The following LRRFIP2 variants were observed in gnomAD, a reference collection of about 807,000 sequenced individuals.
LRRFIP2 encodes leucine-rich repeat flightless-interacting protein 2.
In LRRFIP2, 109 loss-of-function variants were observed where a neutral mutation model predicts 125.9. The observed-to-expected ratio is 0.87, with a 90% CI of 0.74 to 1.01. The LOEUF is 1.01. LRRFIP2 is among the 50% of genes least tolerant of loss of function. The pLI is 0.00. For missense variants in LRRFIP2, 850 were observed against 862.3 expected (o/e 0.99, Z 0.18); for synonymous variants, 291 against 293.1 (o/e 0.99, Z 0.07).
intron 21 of LRRFIP2, among the ~76,000 whole-genome samples, chr3:37,069,631 T>C (rs573118034): frequency 3.2e-4 from 48 of 152,224 alleles, no homozygotes; most frequent in African/African-American, 1.1e-3. Flanking sequence ...AGTTCTATGG[T>C]GGTGACAGTA....
chr3:37,156,359 AAG>A (rs1374374043), intron 1 of LRRFIP2, among the ~76,000 whole-genome samples: 1 of 151,916 alleles, frequency 6.6e-6, no homozygotes, highest in Non-Finnish European at 1.5e-5. Context: ...ATGTTGGGGA[AAG>A]AGTAACTGCT....
intron 14 of LRRFIP2, among the ~76,000 whole-genome samples, chr3:37,104,639 T>A (rs558721232): frequency 6.6e-6 from 1 of 152,364 alleles, no homozygotes; most frequent in Admixed American, 6.5e-5. Flanking sequence ...TCCGGAACAA[T>A]GTATTTTCCA....
intron 1 of LRRFIP2, among the ~76,000 whole-genome samples, chr3:37,157,563 G>A (rs2096235026): frequency 6.6e-6 from 1 of 151,876 alleles, no homozygotes; most frequent in African/African-American, 2.4e-5. Context: ...AGAGAGAGGG[G>A]AAAAGAGGAA....
intron 4 of LRRFIP2, among the ~76,000 whole-genome samples, chr3:37,125,039 C>A (rs1392951210): frequency 1.1e-4 from 2 of 18,080 alleles, no homozygotes; most frequent in Non-Finnish European, 2.2e-4. Context: ...ACAAACAGTA[C>A]AACGCCTTAA....
chr3:37,054,778 G>T (rs2086325870), intron 26 of LRRFIP2, among the ~76,000 whole-genome samples: 1 of 152,168 alleles, frequency 6.6e-6, no homozygotes, highest in African/African-American at 2.4e-5. Context: ...AAGTGCCAAA[G>T]CAATATAGGA....
chr3:37,058,796 T>C lies in LRRFIP2; in HGVS notation c.1864A>G (p.Met622Val). ...CCTGTCCCCTGGTACCTACTCTGCA[T>C]TTCGATGAACTGCAAGTCTGAGCCA... ...QNGSDLQFIEMQRDANRQISE... is the reference protein window; with the variant it reads ...QNGSDLQFIEVQRDANRQISE... Residue 622 changes from methionine to valine, a missense_variant, in exon 25 of 28, where the codon ATG (methionine) becomes GTG (valine). Met to Val is a conservative substitution (Grantham distance 21). Transcript: ENST00000336686. 6.2e-7 allele frequency: 1 copy of C among 1,613,970 alleles called. No individual in the cohort carries two copies. Among genetic ancestry groups the C allele is most frequent in the Non-Finnish European group, 8.5e-7 (1 of 1,179,918 alleles).
Position 37,085,440 on chromosome 3 carries a change from G to C in LRRFIP2, c.1108-1634C>G, listed in dbSNP as rs1432257448. Reference sequence around the variant, plus strand: ...GGAGGCTGAGGCAGGAGAATTGCTTGAACCCAGGAGGCAGAGGTTGCAGTG... The same window carrying C: ...GGAGGCTGAGGCAGGAGAATTGCTTCAACCCAGGAGGCAGAGGTTGCAGTG... On this transcript the variant is annotated intron_variant, in intron 18 of 27. Coordinates refer to ENST00000336686, the MANE Select transcript of LRRFIP2 (RefSeq NM_006309.4). Among the ~76,000 whole-genome samples the C allele has an allele frequency of 2.0e-5, 3 of 151,596 alleles. No individual in the cohort carries two copies. The East Asian group carries it at 5.9e-4, about 30-fold the overall frequency.
At chr3:37,056,990 C>G (rs2087078409) in intron 25 of LRRFIP2, among the ~76,000 whole-genome samples, 1 of 152,118 alleles carries the variant, frequency 6.6e-6, no homozygotes, top group African/African-American at 2.4e-5. Flanking sequence ...GTTTTGAAAT[C>G]CCATTCCAAA....
intron 7 of LRRFIP2, 62 bp downstream of exon 7, chr3:37,114,992 A>G: frequency 8.1e-7 from 1 of 1,233,312 alleles, no homozygotes; most frequent in Non-Finnish European, 1.2e-6. Context: ...TTCTATAATT[A>G]GCATCAACAG....
At chr3:37,072,030 T>A (rs2091286816) in intron 21 of LRRFIP2, among the ~76,000 whole-genome samples, 1 of 152,214 alleles carries the variant, frequency 6.6e-6, no homozygotes, top group Non-Finnish European at 1.5e-5. Flanking sequence ...TACATTCCTA[T>A]CCATTTCTGT....
At chr3:37,170,650 C>T (rs1317567415) in intron 1 of LRRFIP2, 1 of 152,184 alleles carries the variant, frequency 6.6e-6, no homozygotes, top group Non-Finnish European at 1.5e-5. Flanking sequence ...CCTCCCTATG[C>T]CAGTAACAAT....
intron 14 of LRRFIP2, among the ~76,000 whole-genome samples, chr3:37,103,308 T>C (rs1007101005): frequency 1.4e-4 from 21 of 152,326 alleles, no homozygotes; most frequent in African/African-American, 4.8e-4. Flanking sequence ...GTTTAAGATA[T>C]TTATCACCCT....
At chr3:37,142,182 A>T (rs1321768683) in intron 2 of LRRFIP2, among the ~76,000 whole-genome samples, 3 of 129,748 alleles carry the variant, frequency 2.3e-5, no homozygotes, top group Non-Finnish European at 4.7e-5. Context: ...ACAGGGTCTC[A>T]CTCTGTTGCC....
Position 37,083,671 on chromosome 3 carries a change from C to A in LRRFIP2, c.1243G>T (p.Ala415Ser). 6.4e-7 allele frequency: 1 copy of A among 1,565,216 alleles called. No individual in the cohort carries two copies. Among genetic ancestry groups the A allele is most frequent in the Non-Finnish European group, 8.6e-7 (1 of 1,163,964 alleles). The change falls in exon 19 of 28, where the codon GCA becomes TCA. Residue 415 changes from alanine (A) to serine (S), a missense_variant. Physicochemically the swap from Ala to Ser is moderately conservative, Grantham distance 99. Coordinates refer to ENST00000336686, the MANE Select transcript of LRRFIP2 (RefSeq NM_006309.4). Reference protein sequence around the residue: ...DVIEEQEEQMAEFYRENEEKS... With the variant: ...DVIEEQEEQMSEFYRENEEKS... ...TCTTCATTTTCTCTATAAAATTCTG[C>A]CATCTGTTCCTCCTGCTCTTCAATA... is the stretch of plus-strand genomic sequence containing the variant.
At chr3:37,152,812 T>C (rs536441930) in intron 1 of LRRFIP2, among the ~76,000 whole-genome samples, 1 of 152,330 alleles carries the variant, frequency 6.6e-6, no homozygotes, top group African/African-American at 2.4e-5. Context: ...CAACATGCAA[T>C]GCAATGTTCC....
chr3:37,125,304 C>T (rs1402433038), intron 4 of LRRFIP2, among the ~76,000 whole-genome samples: 5 of 152,156 alleles, frequency 3.3e-5, no homozygotes, highest in Non-Finnish European at 7.4e-5. Context: ...TCAAGACATG[C>T]ATTTACTCTT....
chr3:37,124,982 G>C (rs541455258), intron 4 of LRRFIP2, among the ~76,000 whole-genome samples: 1 of 151,598 alleles, frequency 6.6e-6, no homozygotes, highest in Non-Finnish European at 1.5e-5. Context: ...ATAATACATC[G>C]TCATTATCCC....
Position 37,060,263 on chromosome 3 carries a change from C to G in LRRFIP2, c.1750-1353G>C, listed in dbSNP as rs1391479910. 6.6e-6 allele frequency among the ~76,000 whole-genome samples: 1 copy of G among 152,138 alleles called. No homozygotes were observed. The highest frequency in any genetic ancestry group is 1.9e-4 in the East Asian group (1 of 5,198). ...CTCGTGCTCTGATAACCCTCTCCTG[C>G]TGCTTCTGCAGCTCTCTCAAACACT... is the stretch of plus-strand genomic sequence containing the variant. On this transcript the variant is annotated intron_variant, in intron 24 of 27. Transcript: ENST00000336686. The surrounding 1 kb of genome is among the most constrained non-coding windows in gnomAD (Gnocchi z 4.1).
In LRRFIP2 at chr3:37,107,933, T is replaced by C. The variant is rs1040855326; in HGVS notation, c.714+140A>G. On this transcript the variant is annotated intron_variant, in intron 13 of 27. Transcript: ENST00000336686. ...CCAATTATTAGGACAAATTAGTGCT[T>C]GAGTTTATGTACTAAGGGAACACCT... The C allele has an allele frequency of 5.4e-6, 3 of 554,496 alleles. No homozygotes were observed. In the African/African-American group the frequency reaches 5.8e-5, roughly 11 times the overall value. 34.3% of individuals were successfully genotyped at this position (554,496 alleles called of 1,614,324 possible).
Sources: gnomAD v4.1 joint callset for allele counts (sites outside exome capture counted in the v4.1 genomes callset) on GRCh38, gnomAD v4.1.1 for gene constraint, Gnocchi (gnomAD v3.1) non-coding constraint, MANE v1.5 for transcripts, NCBI Gene and HGNC (gene_info 2026-07-23, HGNC 2026-07-21) for gene names.